Variants in CYFIP1 observed in about 807,000 individuals in gnomAD.
The protein encoded by CYFIP1 is cytoplasmic FMR1 interacting protein 1, also known as cytoplasmic FMR1-interacting protein 1.
CYFIP1 carries 58 observed loss-of-function variants against 163.5 expected under a neutral mutation model. That is an observed-to-expected ratio of 0.35 (90% confidence interval 0.29 to 0.44). The LOEUF is 0.44. Among genes scored for constraint, CYFIP1 ranks in the 20% least tolerant of loss-of-function variants. The pLI is 1.00. For missense variants in CYFIP1, 1,338 were observed against 1,653.8 expected (o/e 0.81, Z 3.31); for synonymous variants, 663 against 660.7 (o/e 1.00, Z -0.05).
chr15:22,962,356 T>C (rs1343659269), intron 1 of CYFIP1, among the ~76,000 whole-genome samples: 1 of 152,058 alleles, frequency 6.6e-6, no homozygotes, highest in East Asian at 1.9e-4. Flanking sequence ...GATCCCCTGC[T>C]TTCTTCTGCA....
chr15:22,943,499 G>T, intron 5 of CYFIP1, 145 bp from the exon 6 acceptor site: 2 of 838,794 alleles, frequency 2.4e-6, no homozygotes, highest in Non-Finnish European at 3.6e-6. Context: ...TTACAATGTG[G>T]GCAACCAGAC....
upstream of CYFIP1, among the ~76,000 whole-genome samples, chr15:22,980,803 C>G (rs1039316988): frequency 6.6e-6 from 1 of 152,020 alleles, no homozygotes; most frequent in Non-Finnish European, 1.5e-5. Context: ...CACCTGCGCT[C>G]GTCGGGAGGG....
intron 1 of CYFIP1, among the ~76,000 whole-genome samples, chr15:22,967,849 T>C (rs2062964430): frequency 6.6e-6 from 1 of 152,104 alleles, no homozygotes; most frequent in East Asian, 1.9e-4. Context: ...CAGCCTGGGC[T>C]ACACAGTGAG....
intron 6 of CYFIP1, 46 bp from the exon 7 acceptor site, chr15:22,939,553 C>CA: frequency 4.7e-6 from 2 of 424,318 alleles, no homozygotes; most frequent in Non-Finnish European, 7.5e-6. Flanking sequence ...CAACGTGCCA[C>CA]ATTTAAAAAA....
rs554438523 is a variant in CYFIP1, at chr15:22,960,561, G to T, written c.-6-13270C>A. ...CGAAAACTGTGGGAAAGGTATCCAGGCCATTTAGCTGTCCATCAAAGGAAC... is the reference window on the plus strand; with the variant it reads ...CGAAAACTGTGGGAAAGGTATCCAGTCCATTTAGCTGTCCATCAAAGGAAC... On this transcript the variant is annotated intron_variant, in intron 1 of 30. Transcript: ENST00000617928. 7.9e-5 allele frequency among the ~76,000 whole-genome samples: 12 copies of T among 152,332 alleles called. No homozygotes were observed. The East Asian group carries it at 2.3e-3, about 29-fold the overall frequency.
At chr15:22,898,847 CA>C (rs2060310395) in intron 22 of CYFIP1, among the ~76,000 whole-genome samples, 1 of 151,920 alleles carries the variant, frequency 6.6e-6, no homozygotes, top group African/African-American at 2.4e-5. Context: ...ACTAAAAATA[CA>C]AAAAATTAGC....
chr15:22,972,078 G>T (rs1024345676), intron 1 of CYFIP1, among the ~76,000 whole-genome samples: 21 of 152,108 alleles, frequency 1.4e-4, no homozygotes, highest in Admixed American at 1.3e-3. Flanking sequence ...AAAAGACTTG[G>T]AATAGCAAAA....
At chr15:22,944,492 G>A in intron 5 of CYFIP1, 66 bp downstream of exon 5, 1 of 1,031,294 alleles carries the variant, frequency 9.7e-7, no homozygotes, top group Non-Finnish European at 1.5e-6. Context: ...TGACAGTGAT[G>A]GGTAGGAAGG....
Position 22,944,954 on chromosome 15 carries a change from A to G in CYFIP1, c.208-15T>C. On this transcript the variant is annotated splice_polypyrimidine_tract_variant and intron_variant, in intron 3 of 30. Transcript: ENST00000617928. ...AGCATCTCGTTCTGCAATGGAACACAGGGCAAATCAAAGGCAGGCGGGGGA... is the reference window on the plus strand; with the variant it reads ...AGCATCTCGTTCTGCAATGGAACACGGGGCAAATCAAAGGCAGGCGGGGGA... 3.7e-6 allele frequency: 6 copies of G among 1,612,430 alleles called. No homozygotes were observed. The highest frequency in any genetic ancestry group is 4.2e-6 in the Non-Finnish European group (5 of 1,178,448).
intron 23 of CYFIP1, among the ~76,000 whole-genome samples, chr15:22,883,566 C>T (rs1164166530): frequency 6.6e-6 from 1 of 152,086 alleles, no homozygotes; most frequent in African/African-American, 2.4e-5. Context: ...ACCTGTAATC[C>T]CAGCCCTTTG....
chr15:22,875,215 C>T lies in CYFIP1; in HGVS notation c.3099G>A (p.Pro1033=), dbSNP rs202194901. 81 of 1,614,034 alleles carry T rather than the reference C, an allele frequency of 5.0e-5. No individual in the cohort carries two copies. The highest frequency in any genetic ancestry group is 3.2e-4 in the Admixed American group (19 of 60,018). The change falls in exon 27 of 31, where the codon CCG becomes CCA. Residue 1033 remains proline (P), a synonymous_variant. Coordinates refer to ENST00000617928, the MANE Select transcript of CYFIP1 (RefSeq NM_014608.6). ...CAGGCTCACCTTTCACATGGACTCGCGGCAAGATGTTCTGGAAAGGAGCCG... is the reference window on the plus strand; with the variant it reads ...CAGGCTCACCTTTCACATGGACTCGTGGCAAGATGTTCTGGAAAGGAGCCG... ...LHAAPFQNIL[P]RVHVKEGERL...
chr15:22,948,657 T>C (rs1482122080), intron 1 of CYFIP1, among the ~76,000 whole-genome samples: 1 of 152,104 alleles, frequency 6.6e-6, no homozygotes, highest in Non-Finnish European at 1.5e-5. Context: ...TCCACCCGAC[T>C]TTAAAGCAAC....
At chr15:22,898,133 G>A (rs1050854836) in intron 22 of CYFIP1, among the ~76,000 whole-genome samples, 9 of 152,068 alleles carry the variant, frequency 5.9e-5, no homozygotes, top group Admixed American at 3.9e-4. Context: ...ACTTGCTTCC[G>A]TCCCCTCAGC....
At chr15:22,922,251 C>G (rs1595608706) in intron 13 of CYFIP1, among the ~76,000 whole-genome samples, 1 of 152,202 alleles carries the variant, frequency 6.6e-6, no homozygotes, top group East Asian at 1.9e-4. Flanking sequence ...TAATAGTGAC[C>G]TCCTGTGTGT....
rs2059255251 is a variant in CYFIP1 at position 22,868,021 on chromosome 15, G to GTGT, written c.*2004_*2006dup. On this transcript the variant is annotated 3_prime_UTR_variant, in exon 31 of 31. Transcript: ENST00000617928. ...TTTCCACCTAGGTGATGGGAAGAAA[G>GTGT]TGTTCGCCTGTTCCAGCCTGTGGCT... is the stretch of plus-strand genomic sequence containing the variant. 1.3e-5 allele frequency: 2 copies of GTGT among 152,248 alleles called. No homozygotes were observed. The highest frequency in any genetic ancestry group is 2.4e-5 in the African/African-American group (1 of 41,452). 9.4% of individuals were successfully genotyped at this position (152,248 alleles called of 1,614,324 possible).
chr15:22,874,352 C>T (rs1303459727), intron 28 of CYFIP1, among the ~76,000 whole-genome samples, 198 bp downstream of exon 28: 1 of 152,226 alleles, frequency 6.6e-6, no homozygotes, highest in East Asian at 1.9e-4. Context: ...AAGCTCTTTC[C>T]AGGTGTTAGC....
In CYFIP1 at chr15:22,896,158, T is replaced by A. The variant is rs373785214; in HGVS notation, c.2589-3181A>T. Among the ~76,000 whole-genome samples the A allele has an allele frequency of 2.6e-3, 395 of 152,226 alleles. 2 individuals carry two copies. Among genetic ancestry groups the A allele is most frequent in the African/African-American group, 9.1e-3 (378 of 41,550 alleles). On this transcript the variant is annotated intron_variant, in intron 22 of 30. Coordinates refer to ENST00000617928, the MANE Select transcript of CYFIP1 (RefSeq NM_014608.6). ...CTTGTGGAGGACTGTGCCCTCAGAC[T>A]CTGCAGTTTGACAATGTCACTGCAA... is the stretch of plus-strand genomic sequence containing the variant.
chr15:22,963,870 T>G (rs977982102), intron 1 of CYFIP1, among the ~76,000 whole-genome samples: 1 of 152,244 alleles, frequency 6.6e-6, no homozygotes, highest in African/African-American at 2.4e-5. Flanking sequence ...TGAGGACGGC[T>G]TGTAGAAAGG....
rs528205584 is a variant in CYFIP1, at chr15:22,942,458, C to T, written c.569+715G>A. ...GTGCCAAGTGTCACCAAACGCCGGT[C>T]GGCAGCGTGCCAAGTGTCACCGAAC... On this transcript the variant is annotated intron_variant, in intron 6 of 30. Transcript: ENST00000617928. 2.6e-5 allele frequency among the ~76,000 whole-genome samples: 4 copies of T among 151,976 alleles called. No individual in the cohort carries two copies. In the East Asian group the frequency reaches 5.8e-4, roughly 22 times the overall value.
Sources: allele counts gnomAD v4.1 joint callset (sites outside exome capture counted in the v4.1 genomes callset), GRCh38; gene constraint gnomAD v4.1.1; transcripts MANE v1.5; gene names NCBI Gene and HGNC (gene_info 2026-07-23, HGNC 2026-07-21).